The following CYP19A1 variants were observed in gnomAD, a reference collection of about 807,000 sequenced individuals.
CYP19A1 encodes the protein aromatase.
Under a neutral mutation model 44.4 loss-of-function variants are expected in CYP19A1, and 32 were observed. That is an observed-to-expected ratio of 0.72 (90% confidence interval 0.54 to 0.97). CYP19A1 has a LOEUF of 0.97. Ranked by LOEUF, CYP19A1 falls within the 50% of genes least tolerant of loss-of-function variation. CYP19A1 has a pLI of 0.00. For missense variants in CYP19A1, 598 were observed against 637.8 expected, an observed-to-expected ratio of 0.94 and a Z score of 0.67; for synonymous variants, 212 against 215.6, an observed-to-expected ratio of 0.98 and a Z score of 0.14.
At chr15:51,264,505 C>T (rs531093187) in intron 1 of CYP19A1, among the ~76,000 whole-genome samples, 9 of 97,212 alleles carry the variant, frequency 9.3e-5, no homozygotes, top group African/African-American at 4.4e-4. Context: ...GAAAGAGTAA[C>T]GACGGTCAAG....
At chr15:51,300,840 CAA>C (rs2036097507) in intron 1 of CYP19A1, among the ~76,000 whole-genome samples, 1 of 152,134 alleles carries the variant, frequency 6.6e-6, no homozygotes, top group African/African-American at 2.4e-5. Flanking sequence ...GGACATTCCT[CAA>C]AGAAAATTGT....
At chr15:51,289,675 T>A (rs529054566) in intron 1 of CYP19A1, among the ~76,000 whole-genome samples, 1 of 152,148 alleles carries the variant, frequency 6.6e-6, no homozygotes, top group Non-Finnish European at 1.5e-5. Flanking sequence ...CCTTGCCAAA[T>A]AATTTGAGGC....
chr15:51,319,179 C>T (rs966843784), intron 1 of CYP19A1, among the ~76,000 whole-genome samples: 1 of 152,202 alleles, frequency 6.6e-6, no homozygotes, highest in Non-Finnish European at 1.5e-5. Flanking sequence ...ACCCCTACAC[C>T]CTTTCCCTTA....
chr15:51,217,186 G>A (rs2031656576), intron 6 of CYP19A1, among the ~76,000 whole-genome samples: 1 of 152,184 alleles, frequency 6.6e-6, no homozygotes. Flanking sequence ...CTGGGCACTA[G>A]CCCCAAATGG....
chr15:51,294,606 C>G (rs1216051568), intron 1 of CYP19A1, among the ~76,000 whole-genome samples: 1 of 150,214 alleles, frequency 6.7e-6, no homozygotes, highest in Non-Finnish European at 1.5e-5. Flanking sequence ...CCCGCCCGGC[C>G]AGCTGCCCTG....
At chr15:51,258,535 C>A (rs1566899248) in intron 1 of CYP19A1, among the ~76,000 whole-genome samples, 2 of 152,198 alleles carry the variant, frequency 1.3e-5, no homozygotes, top group Non-Finnish European at 2.9e-5. Context: ...CTCCTACTAG[C>A]CAATGCTGCA....
At chr15:51,224,051 C>T (rs1017782492) in intron 4 of CYP19A1, among the ~76,000 whole-genome samples, 1 of 151,834 alleles carries the variant, frequency 6.6e-6, no homozygotes, top group Non-Finnish European at 1.5e-5. Flanking sequence ...AGTATTGACT[C>T]TATCTAGTGA....
intron 3 of CYP19A1, among the ~76,000 whole-genome samples, chr15:51,232,637 C>CT (rs923452009): frequency 4.6e-5 from 7 of 151,668 alleles, no homozygotes; most frequent in East Asian, 1.9e-4. Context: ...CACTTTGACT[C>CT]TTTTTTTTTC....
chr15:51,292,407 A>G (rs920905474), intron 1 of CYP19A1, among the ~76,000 whole-genome samples: 2 of 152,222 alleles, frequency 1.3e-5, no homozygotes, highest in African/African-American at 4.8e-5. Context: ...CATCCAGTCC[A>G]GTCCTCCACT....
intron 1 of CYP19A1, among the ~76,000 whole-genome samples, chr15:51,301,915 G>A (rs180992323): frequency 6.6e-6 from 1 of 152,240 alleles, no homozygotes; most frequent in East Asian, 1.9e-4. Context: ...TTCCCTGTCA[G>A]AGAAAAAATA....
intron 1 of CYP19A1, among the ~76,000 whole-genome samples, chr15:51,268,527 C>T (rs1437552660): frequency 1.4e-5 from 2 of 144,746 alleles, no homozygotes; most frequent in East Asian, 2.1e-4. Context: ...CTTCCCCCCC[C>T]CCCTTTTTTT....
chr15:51,290,606 T>C (rs2035820236), intron 1 of CYP19A1, among the ~76,000 whole-genome samples: 1 of 152,116 alleles, frequency 6.6e-6, no homozygotes, highest in African/African-American at 2.4e-5. Context: ...GGGGTAAGTG[T>C]AGGGAGGTGT....
intron 1 of CYP19A1, among the ~76,000 whole-genome samples, chr15:51,295,164 T>G (rs2035966094): frequency 6.6e-6 from 1 of 150,502 alleles, no homozygotes; most frequent in Non-Finnish European, 1.5e-5. Flanking sequence ...TTAATTAATT[T>G]GAGGTAGGAC....
intron 1 of CYP19A1, among the ~76,000 whole-genome samples, chr15:51,284,297 A>G (rs1414972523): frequency 6.6e-6 from 1 of 152,232 alleles, no homozygotes; most frequent in Non-Finnish European, 1.5e-5. Flanking sequence ...TTGAAGGACT[A>G]GTAGATACTG....
chr15:51,313,403 G>A (rs1379247602), intron 1 of CYP19A1, among the ~76,000 whole-genome samples: 1 of 152,170 alleles, frequency 6.6e-6, no homozygotes, highest in Admixed American at 6.5e-5. Context: ...AACCTTAGGA[G>A]CCATGTTCTT....
At chr15:51,283,528 C>T (rs1298708790) in intron 1 of CYP19A1, among the ~76,000 whole-genome samples, 1 of 152,198 alleles carries the variant, frequency 6.6e-6, no homozygotes. Context: ...AGGTAACTTA[C>T]ATAAGGCTAC....
intron 1 of CYP19A1, among the ~76,000 whole-genome samples, chr15:51,316,704 C>A (rs1158465426): frequency 1.3e-4 from 19 of 149,488 alleles, no homozygotes; most frequent in Non-Finnish European, 7.4e-5. Flanking sequence ...CATGGGGAGA[C>A]CTCTGTCTCT....
chr15:51,241,359 AACAAGCTCCT>A (rs1379660455), intron 2 of CYP19A1, among the ~76,000 whole-genome samples: 1 of 152,206 alleles, frequency 6.6e-6, no homozygotes, highest in African/African-American at 2.4e-5. Context: ...CAGAAATGTT[AACAAGCTCCT>A]ACCTGCTGGG....
At chr15:51,332,269 G>A (rs904490211) in intron 1 of CYP19A1, among the ~76,000 whole-genome samples, 2 of 151,918 alleles carry the variant, frequency 1.3e-5, no homozygotes, top group African/African-American at 4.8e-5. Context: ...ACCAACATAA[G>A]AGTCCAACTA....
Sources: allele counts gnomAD v4.1 joint callset (sites outside exome capture counted in the v4.1 genomes callset), GRCh38; gene constraint gnomAD v4.1.1; transcripts MANE v1.5; gene names NCBI Gene and HGNC (gene_info 2026-07-23, HGNC 2026-07-21).